The following SPNS2 variants were observed in gnomAD, a reference collection of about 807,000 sequenced individuals.
The protein encoded by SPNS2 is SPNS lysolipid transporter 2, sphingosine-1-phosphate, also known as sphingosine-1-phosphate transporter SPNS2.
Under a neutral mutation model 57.6 loss-of-function variants are expected in SPNS2, and 37 were observed. The observed-to-expected ratio is 0.64, with a 90% CI of 0.49 to 0.85. SPNS2 has a LOEUF of 0.85. SPNS2 is among the 40% of genes least tolerant of loss of function. SPNS2 has a pLI of 0.00. For synonymous variants in SPNS2, 440 were observed against 346.9 expected, an observed-to-expected ratio of 1.27 and a Z score of -2.98; for missense variants, 831 against 779.1, an observed-to-expected ratio of 1.07 and a Z score of -0.79.
chr17:4,528,875 C>G (rs1905343532), intron 3 of SPNS2, among the ~76,000 whole-genome samples: 1 of 152,112 alleles, frequency 6.6e-6, no homozygotes, highest in Non-Finnish European at 1.5e-5. Flanking sequence ...CTGGGCTCAA[C>G]TGATCCTCCT....
At chr17:4,516,316 CAAAAAAA>C (rs67710825) in intron 2 of SPNS2, among the ~76,000 whole-genome samples, 1 of 67,508 alleles carries the variant, frequency 1.5e-5, no homozygotes, top group Non-Finnish European at 2.5e-5. Flanking sequence ...TCTATCTCCC[CAAAAAAA>C]AAAAAAAAAA....
chr17:4,532,848 CCTGAACCCTCACCCCTG>C (rs1163174478), intron 6 of SPNS2, 112 bp from the exon 7 acceptor site: 1 of 1,465,276 alleles, frequency 6.8e-7, no homozygotes, highest in Non-Finnish European at 9.2e-7. Context: ...ATTCCTGCAG[CCTGAACCCTCACCCCTG>C]GAGCCTGTAA....
intron 1 of SPNS2, among the ~76,000 whole-genome samples, chr17:4,502,146 C>T (rs934411258): frequency 1.3e-5 from 2 of 152,074 alleles, no homozygotes; most frequent in African/African-American, 4.8e-5. Flanking sequence ...GAGGTCGAGG[C>T]GGGTGGATCA....
rs568626910 is a variant in SPNS2 at position 4,531,755 on chromosome 17, C to T, written c.792+636C>T. On this transcript the variant is annotated intron_variant, in intron 5 of 12. Transcript: ENST00000329078. ...TCCCCAACCCAGGGGCTCCCAGTCC[C>T]GGGGGCATGGGGGAGAGTGTTCTGC... 9.9e-5 allele frequency among the ~76,000 whole-genome samples: 15 copies of T among 152,028 alleles called. No homozygotes were observed. In the South Asian group the frequency reaches 2.7e-3, roughly 27 times the overall value.
intron 11 of SPNS2, 73 bp downstream of exon 11, chr17:4,536,499 C>G: frequency 6.6e-7 from 1 of 1,514,984 alleles, no homozygotes; most frequent in Non-Finnish European, 8.9e-7. Flanking sequence ...GTGAGCCCTG[C>G]CCTGGGGTGG....
At chr17:4,535,954 CAA>C (rs1198094385) in intron 9 of SPNS2, 120 bp from the exon 10 acceptor site, 1 of 756,328 alleles carries the variant, frequency 1.3e-6, no homozygotes, top group Non-Finnish European at 2.1e-6. Context: ...AGAGAGGTGT[CAA>C]GACGTAGGGC....
At chr17:4,507,713 T>G (rs780335989) in intron 1 of SPNS2, among the ~76,000 whole-genome samples, 71 of 152,148 alleles carry the variant, frequency 4.7e-4, no homozygotes, top group Non-Finnish European at 9.4e-4. Flanking sequence ...CAGGCTCAGG[T>G]AGGGTGAACG....
rs377356845 is a variant in SPNS2, at chr17:4,536,060, C to G, written c.1345-16C>G. The G allele has an allele frequency of 6.2e-7, 1 of 1,605,714 alleles. No individual in the cohort carries two copies. Among genetic ancestry groups the G allele is most frequent in the Non-Finnish European group, 8.5e-7 (1 of 1,177,154 alleles). Reference sequence around the variant, plus strand: ...CCTTTCTCCTCTGGCCGCTGACCTGCCCGCCTGTTCCGCAGTACGTGGTCA... The same window carrying G: ...CCTTTCTCCTCTGGCCGCTGACCTGGCCGCCTGTTCCGCAGTACGTGGTCA... On this transcript the variant is annotated splice_polypyrimidine_tract_variant and intron_variant, in intron 9 of 12. Transcript: ENST00000329078.
At chr17:4,531,172 C>T (rs943476783) in intron 5 of SPNS2, 53 bp downstream of exon 5, 24 of 1,569,356 alleles carry the variant, frequency 1.5e-5, no homozygotes, top group Non-Finnish European at 2.0e-5. Flanking sequence ...GACCTCGCCC[C>T]AGGGTTGCCC....
At chr17:4,530,967 T>A in intron 4 of SPNS2, 86 bp from the exon 5 acceptor site, 1 of 1,518,318 alleles carries the variant, frequency 6.6e-7, no homozygotes, top group African/African-American at 1.4e-5. Flanking sequence ...GTGGGGAGGG[T>A]GGGCAGCCTG....
rs530887970 is a variant in SPNS2, at chr17:4,529,502, G to A, written c.574-1130G>A. On this transcript the variant is annotated intron_variant, in intron 3 of 12. Coordinates refer to ENST00000329078, the MANE Select transcript of SPNS2 (RefSeq NM_001124758.3). ...AGCCTGGCCAACATGGCAAAACCCC[G>A]TCTCTACAAAAATTCAAAAATTAGC... 1.1e-4 allele frequency among the ~76,000 whole-genome samples: 16 copies of A among 152,102 alleles called. No individual in the cohort carries two copies. The South Asian group carries it at 1.5e-3, about 14-fold the overall frequency.
chr17:4,508,335 A>C (rs955788946), intron 1 of SPNS2, among the ~76,000 whole-genome samples: 2 of 152,214 alleles, frequency 1.3e-5, no homozygotes, highest in African/African-American at 4.8e-5. Flanking sequence ...TCACCTGGGC[A>C]GTGCGTTTAT....
Position 4,538,603 on chromosome 17 carries a change from CTGCAATCAAGGTGGTTCTGG to C in SPNS2, c.*1159_*1178del, listed in dbSNP as rs1906013498. 9.1e-6 allele frequency: 4 copies of C among 441,688 alleles called. No individual in the cohort carries two copies. Among genetic ancestry groups the C allele is most frequent in the South Asian group, 7.1e-5 (3 of 42,238 alleles). 27.4% of individuals were successfully genotyped at this position (441,688 alleles called of 1,614,324 possible). ...GCGTCACCCACTCCCTGCACTTCTG[CTGCAATCAAGGTGGTTCTGG>C]TGCGGGGGTGGGGTGGGGGGTGAGG... On this transcript the variant is annotated 3_prime_UTR_variant, in exon 13 of 13. Transcript: ENST00000329078.
chr17:4,513,845 C>A (rs1904916679), intron 2 of SPNS2, among the ~76,000 whole-genome samples: 1 of 152,232 alleles, frequency 6.6e-6, no homozygotes, highest in African/African-American at 2.4e-5. Flanking sequence ...AGAATCTGGG[C>A]CCTGGACTGG....
chr17:4,504,967 A>G (rs575017109), intron 1 of SPNS2, among the ~76,000 whole-genome samples: 1 of 152,114 alleles, frequency 6.6e-6, no homozygotes, highest in Admixed American at 6.5e-5. Context: ...CTCTGCCTGC[A>G]CCTCCTTTCC....
Position 4,510,311 on chromosome 17 carries a change from C to T in SPNS2, c.371-2936C>T, listed in dbSNP as rs1329382268. ...GGGGAGTGGTGGGACGGGAGCAGGC[C>T]ATGTTATCCAAAAGCTTCCTGTGTC... On this transcript the variant is annotated intron_variant, in intron 1 of 12. Transcript: ENST00000329078. This position sits in a 1 kb window ranked among gnomAD's most constrained non-coding sequence, Gnocchi z 4.4. 6.6e-6 allele frequency among the ~76,000 whole-genome samples: 1 copy of T among 152,166 alleles called. No homozygotes were observed. Among genetic ancestry groups the T allele is most frequent in the Non-Finnish European group, 1.5e-5 (1 of 68,026 alleles).
intron 2 of SPNS2, 21 bp from the exon 3 acceptor site, chr17:4,525,036 C>A: frequency 6.2e-7 from 1 of 1,610,148 alleles, no homozygotes; most frequent in Non-Finnish European, 8.5e-7. Context: ...GGCCCCCCCT[C>A]AAGCTCTCCT....
At position 4,530,690 on chromosome 17, in the gene SPNS2, C is replaced by A; in HGVS notation, c.632C>A (p.Ser211Tyr). 6.2e-7 allele frequency: 1 copy of A among 1,613,966 alleles called. No homozygotes were observed. The highest frequency in any genetic ancestry group is 8.5e-7 in the Non-Finnish European group (1 of 1,179,940). Reference sequence around the variant, plus strand: ...GTGGGCATCGGGGAGGCCAGCTACTCCACCATCGCCCCCACTATCATTGGC... The same window carrying A: ...GTGGGCATCGGGGAGGCCAGCTACTACACCATCGCCCCCACTATCATTGGC... ...GLVGIGEASYSTIAPTIIGDL... is the reference protein window; with the variant it reads ...GLVGIGEASYYTIAPTIIGDL... The change falls in exon 4 of 13, where the codon TCC becomes TAC. Residue 211 changes from serine to tyrosine, a missense_variant. Transcript: ENST00000329078.
At position 4,512,973 on chromosome 17, in the gene SPNS2, G is replaced by A. The variant is rs746006444; in HGVS notation, c.371-274G>A. Reference sequence around the variant, plus strand: ...AGGCCCAAGCTGGCAGATAGGAGGTGTGGTTGCCCATGGGGCAGAATGACC... The same window carrying A: ...AGGCCCAAGCTGGCAGATAGGAGGTATGGTTGCCCATGGGGCAGAATGACC... On this transcript the variant is annotated intron_variant, in intron 1 of 12. Transcript: ENST00000329078. The surrounding 1 kb of genome is among the most constrained non-coding windows in gnomAD (Gnocchi z 5.2). Among the ~76,000 whole-genome samples, 2 of 152,222 alleles carry A rather than the reference G, an allele frequency of 1.3e-5. No homozygotes were observed. The highest frequency in any genetic ancestry group is 4.1e-4 in the South Asian group (2 of 4,828).
Sources: gnomAD v4.1 joint callset for allele counts (sites outside exome capture counted in the v4.1 genomes callset) on GRCh38, gnomAD v4.1.1 for gene constraint, Gnocchi (gnomAD v3.1) non-coding constraint, MANE v1.5 for transcripts, NCBI Gene and HGNC (gene_info 2026-07-23, HGNC 2026-07-21) for gene names.